The following HMCN2 variants were observed in gnomAD, a reference collection of about 807,000 sequenced individuals.
HMCN2 encodes hemicentin-2.
In HMCN2, 325 loss-of-function variants were observed where a neutral mutation model predicts 377.5. The ratio of observed to expected loss-of-function variants is 0.86; its 90% CI spans 0.79 to 0.94. HMCN2 has a LOEUF of 0.94. HMCN2 is among the 40% of genes least tolerant of loss of function. HMCN2 has a pLI of 0.00. For missense variants in HMCN2, 4,543 were observed against 4,725.3 expected (o/e 0.96, Z 1.13); for synonymous variants, 2,007 against 2,046.8 (o/e 0.98, Z 0.53).
At chr9:130,374,743 A>G (rs1400679341) in intron 49 of HMCN2, 50 bp downstream of exon 49, 1 of 929,852 alleles carries the variant, frequency 1.1e-6, no homozygotes, top group Non-Finnish European at 1.3e-6. Flanking sequence ...GGGAGGGAGA[A>G]GCAAGGTGAC....
intron 39 of HMCN2, 37 bp downstream of exon 39, chr9:130,362,202 G>A (rs1564817214): frequency 5.1e-6 from 5 of 984,846 alleles, no homozygotes; most frequent in Non-Finnish European, 6.0e-6. Flanking sequence ...CAACCTCCCT[G>A]CACCTCCCGT....
At chr9:130,267,094 C>T (rs565134549) in intron 1 of HMCN2, among the ~76,000 whole-genome samples, 7 of 151,968 alleles carry the variant, frequency 4.6e-5, no homozygotes, top group South Asian at 4.2e-4. Flanking sequence ...TACAAGCATA[C>T]GCCACCATGC....
intron 15 of HMCN2, among the ~76,000 whole-genome samples, chr9:130,311,172 G>A (rs1564774183): frequency 6.6e-6 from 1 of 152,254 alleles, no homozygotes; most frequent in African/African-American, 2.4e-5. Flanking sequence ...GCCACGGCGA[G>A]AGAGGCAGGT....
At chr9:130,285,416 G>T in intron 3 of HMCN2, 100 bp downstream of exon 3, 1 of 413,570 alleles carries the variant, frequency 2.4e-6, no homozygotes, top group Non-Finnish European at 4.9e-6. Flanking sequence ...GGAGAGCAGA[G>T]CTGGGCACTT....
chr9:130,303,445 G>T lies in HMCN2; in HGVS notation c.1422-42G>T. 1 of 406,644 alleles carries T rather than the reference G, an allele frequency of 2.5e-6. No homozygotes were observed. The highest frequency in any genetic ancestry group is 5.2e-6 in the Non-Finnish European group (1 of 190,732). The allele number at this position is 406,644 out of a possible 1,614,324, so 25.2% of individuals were successfully genotyped here. On this transcript the variant is annotated intron_variant, in intron 9 of 97. Coordinates refer to ENST00000683500, the MANE Select transcript of HMCN2 (RefSeq NM_001291815.2). This position sits in a 1 kb window ranked among gnomAD's most constrained non-coding sequence, Gnocchi z 5.2. ...GAAGTCGGGGGGGACCCTGAGTGGG[G>T]GTCAGTGTGATTGTGTGTCTCCCAC...
rs940992879 is a variant in HMCN2 at position 130,288,684 on chromosome 9, G to T, written c.612+2374G>T. On this transcript the variant is annotated intron_variant, in intron 4 of 97. Transcript: ENST00000683500. ...TCTTCCCCTTGTTTGCTGAGCTCCT[G>T]CCCCGGGCCAGGTGCAGCTCTGAGT... 5.3e-5 allele frequency among the ~76,000 whole-genome samples: 8 copies of T among 152,324 alleles called. No individual in the cohort carries two copies. In the East Asian group the frequency reaches 1.5e-3, roughly 29 times the overall value.
intron 75 of HMCN2, 80 bp downstream of exon 75, chr9:130,398,787 G>T: frequency 8.5e-7 from 1 of 1,175,434 alleles, no homozygotes. Flanking sequence ...GCATGGGGCA[G>T]GGACGGGGCG....
chr9:130,359,826 C>G (rs886694381), intron 37 of HMCN2, among the ~76,000 whole-genome samples: 1 of 152,124 alleles, frequency 6.6e-6, no homozygotes, highest in African/African-American at 2.4e-5. Flanking sequence ...AGGAAGGCCT[C>G]TCTCCTGCTC....
intron 86 of HMCN2, 82 bp downstream of exon 86, chr9:130,419,123 C>A: frequency 7.6e-7 from 1 of 1,315,950 alleles, no homozygotes; most frequent in Non-Finnish European, 9.9e-7. Flanking sequence ...TTATGGGAGA[C>A]CTGTCCCCTG....
At chr9:130,313,441 C>T (rs1025124757) in intron 15 of HMCN2, among the ~76,000 whole-genome samples, 13 of 152,214 alleles carry the variant, frequency 8.5e-5, no homozygotes, top group East Asian at 1.9e-4. Flanking sequence ...TGCCCAGGTC[C>T]GCTGGTATTT....
intron 85 of HMCN2, among the ~76,000 whole-genome samples, chr9:130,416,139 C>G (rs1279508936): frequency 1.4e-5 from 2 of 143,476 alleles, no homozygotes; most frequent in African/African-American, 5.2e-5. Context: ...GAGTCTCACT[C>G]TGTCACCCAG....
At chr9:130,277,584 T>C (rs1476335663) in intron 1 of HMCN2, among the ~76,000 whole-genome samples, 1 of 152,198 alleles carries the variant, frequency 6.6e-6, no homozygotes, top group Non-Finnish European at 1.5e-5. Context: ...GTAGACCTCA[T>C]AGGTTGTTGT....
At chr9:130,346,568 G>A (rs1477174296) in intron 25 of HMCN2, among the ~76,000 whole-genome samples, 2 of 152,204 alleles carry the variant, frequency 1.3e-5, no homozygotes, top group South Asian at 4.2e-4. Context: ...GGAGCAGGCT[G>A]AGCAGAATTG....
chr9:130,418,602 G>A (rs956273046), intron 85 of HMCN2, among the ~76,000 whole-genome samples, 170 bp from the exon 86 acceptor site: 4 of 152,208 alleles, frequency 2.6e-5, no homozygotes, highest in Admixed American at 2.6e-4. Context: ...TAAAGAAACA[G>A]TGTCTAGAGG....
rs959426617 is a variant in HMCN2 at position 130,368,372 on chromosome 9, C to T, written c.6722C>T (p.Thr2241Ile). 1.0e-6 allele frequency: 1 copy of T among 985,766 alleles called. No individual in the cohort carries two copies. Among genetic ancestry groups the T allele is most frequent in the Non-Finnish European group, 1.2e-6 (1 of 830,054 alleles). 61.1% of individuals were successfully genotyped at this position (985,766 alleles called of 1,614,324 possible). The change falls in exon 44 of 98, where the codon ACA becomes ATA. Residue 2241 changes from threonine (T) to isoleucine (I), a missense_variant. Around this residue, in one of 5 missense-constraint regions of HMCN2, gnomAD observed 1,032 missense variants for 1,285.1 expected, o/e 0.80. Transcript: ENST00000683500. ...LGQAQLAQEG[T>I]YTCECSNVVG... ...CAGGCCCAGCTGGCTCAGGAAGGAA[C>T]ATACACCTGTGAATGCAGCAACGTG... is the stretch of plus-strand genomic sequence containing the variant.
chr9:130,283,241 C>T (rs1441111282), intron 1 of HMCN2, among the ~76,000 whole-genome samples: 2 of 151,824 alleles, frequency 1.3e-5, no homozygotes, highest in Non-Finnish European at 2.9e-5. Context: ...CTTATGTTGG[C>T]GTGGATCTCC....
rs1206906642 is a variant in HMCN2 at position 130,369,465 on chromosome 9, C to A, written c.6788-105C>A. The stretch of plus-strand genomic sequence containing the variant: ...TGAGGTCACGAGGTCACACAGCCAG[C>A]GATGGCAAGGGGAGAGGGTGTGTCC... On this transcript the variant is annotated intron_variant, in intron 44 of 97. Transcript: ENST00000683500. This position sits in a 1 kb window ranked among gnomAD's most constrained non-coding sequence, Gnocchi z 4.5. The A allele has an allele frequency of 1.7e-6, 1 of 601,482 alleles. No individual in the cohort carries two copies. The allele number at this position is 601,482 out of a possible 1,614,324, so 37.3% of individuals were successfully genotyped here.
rs911796168 is a variant in HMCN2 at position 130,428,741 on chromosome 9, C to T, written c.14197+252C>T. 6.6e-5 allele frequency among the ~76,000 whole-genome samples: 10 copies of T among 152,186 alleles called. No individual in the cohort carries two copies. The highest frequency in any genetic ancestry group is 5.9e-4 in the Admixed American group (9 of 15,286). On this transcript the variant is annotated intron_variant, in intron 93 of 97. Transcript: ENST00000683500. The surrounding 1 kb of genome is among the most constrained non-coding windows in gnomAD (Gnocchi z 5.0). Reference sequence around the variant, plus strand: ...TTCTTTCTGCACCTCAGCATCTTGTCTGCTTGATAAAGAGGGAGCCAGGTC... The same window carrying T: ...TTCTTTCTGCACCTCAGCATCTTGTTTGCTTGATAAAGAGGGAGCCAGGTC...
rs1564848940 is a variant in HMCN2 at position 130,393,275 on chromosome 9, C to T, written c.10200C>T (p.Gly3400=). ...CCTGTGTGGCCGCAAGCCCAGCTGGCGTGGCGGACAGGAACTTCACCTTGC... is the reference window on the plus strand; with the variant it reads ...CCTGTGTGGCCGCAAGCCCAGCTGGTGTGGCGGACAGGAACTTCACCTTGC... ...IFTCVAASPA[G]VADRNFTLQV... Residue 3400 remains glycine (G), a synonymous_variant, in exon 67 of 98, where the codon GGC becomes GGT. Transcript: ENST00000683500. This position sits in a 1 kb window ranked among gnomAD's most constrained non-coding sequence, Gnocchi z 5.2. The T allele has an allele frequency of 1.1e-5, 11 of 988,352 alleles. No individual in the cohort carries two copies. In the South Asian group the frequency reaches 3.7e-4, roughly 34 times the overall value. The allele number at this position is 988,352 out of a possible 1,614,324, so 61.2% of individuals were successfully genotyped here. A position where few individuals can be genotyped will look rare whatever the true frequency, so the allele number is the denominator to read the frequency against.
Sources: gnomAD v4.1 joint callset for allele counts (sites outside exome capture counted in the v4.1 genomes callset) on GRCh38, gnomAD v4.1.1 for gene constraint, gnomAD v4.1.1 regional missense constraint, Gnocchi (gnomAD v3.1) non-coding constraint, MANE v1.5 for transcripts, NCBI Gene and HGNC (gene_info 2026-07-23, HGNC 2026-07-21) for gene names.